The following TTC28 variants were observed in gnomAD, a reference collection of about 807,000 sequenced individuals.
TTC28 encodes tetratricopeptide repeat protein 28.
In TTC28, 61 loss-of-function variants were observed where a neutral mutation model predicts 198.0. The ratio of observed to expected loss-of-function variants is 0.31; its 90% CI spans 0.25 to 0.38. The LOEUF is 0.38. Among genes scored for constraint, TTC28 ranks in the 10% least tolerant of loss-of-function variants. The pLI is 1.00. For synonymous variants in TTC28, 1,171 were observed against 1,297.8 expected (o/e 0.90, Z 2.10); for missense variants, 2,678 against 3,164.0 (o/e 0.85, Z 3.69).
intron 1 of TTC28, among the ~76,000 whole-genome samples, chr22:28,672,751 T>C (rs1177921966): frequency 6.6e-6 from 1 of 152,214 alleles, no homozygotes; most frequent in East Asian, 1.9e-4. Flanking sequence ...GTAATAATAG[T>C]AACTGGAGAG....
intron 5 of TTC28, among the ~76,000 whole-genome samples, chr22:28,243,317 A>G (rs1332972804): frequency 6.6e-6 from 1 of 150,428 alleles, no homozygotes; most frequent in Non-Finnish European, 1.5e-5. Flanking sequence ...TGATCATGCC[A>G]CTGCACTCCA....
intron 1 of TTC28, among the ~76,000 whole-genome samples, chr22:28,671,363 C>T (rs2051879080): frequency 1.3e-5 from 2 of 151,982 alleles, no homozygotes; most frequent in South Asian, 2.1e-4. Flanking sequence ...TGGCCGGGCG[C>T]GGTGGCTCAC....
chr22:28,106,011 G>A (rs1053093860), intron 7 of TTC28, among the ~76,000 whole-genome samples: 4 of 152,160 alleles, frequency 2.6e-5, no homozygotes, highest in African/African-American at 9.7e-5. Flanking sequence ...ATCCCTTAGT[G>A]ACCTTCCCAA....
At chr22:28,449,429 T>C (rs1363614314) in intron 2 of TTC28, among the ~76,000 whole-genome samples, 1 of 152,266 alleles carries the variant, frequency 6.6e-6, no homozygotes, top group Non-Finnish European at 1.5e-5. Context: ...TACCAAGCAT[T>C]GAAATATTTT....
intron 2 of TTC28, among the ~76,000 whole-genome samples, chr22:28,395,679 G>A (rs1373148794): frequency 6.7e-6 from 1 of 149,742 alleles, no homozygotes; most frequent in African/African-American, 2.5e-5. Context: ...CATTGTTACT[G>A]TGTATTTATA....
intron 14 of TTC28, among the ~76,000 whole-genome samples, chr22:28,009,629 G>A (rs1444980117): frequency 6.6e-6 from 1 of 152,202 alleles, no homozygotes; most frequent in African/African-American, 2.4e-5. Context: ...AGATGACGGG[G>A]TCACTGAGGC....
At chr22:28,088,481 T>C (rs1385743380) in intron 12 of TTC28, among the ~76,000 whole-genome samples, 2 of 151,968 alleles carry the variant, frequency 1.3e-5, no homozygotes, top group African/African-American at 4.8e-5. Flanking sequence ...TGAAACTGGA[T>C]CCCTTCCTTA....
intron 2 of TTC28, among the ~76,000 whole-genome samples, chr22:28,316,808 C>G (rs1172956484): frequency 6.6e-6 from 1 of 152,118 alleles, no homozygotes; most frequent in Non-Finnish European, 1.5e-5. Flanking sequence ...ACTCTGTTAT[C>G]CAGGCTGGAA....
At chr22:28,228,144 G>A (rs1398440506) in intron 5 of TTC28, among the ~76,000 whole-genome samples, 4 of 151,938 alleles carry the variant, frequency 2.6e-5, no homozygotes, top group Non-Finnish European at 4.4e-5. Context: ...CCACTAATAC[G>A]AGATACCTAG....
At chr22:28,044,301 C>T (rs5752688) in intron 12 of TTC28, among the ~76,000 whole-genome samples, 1 of 152,068 alleles carries the variant, frequency 6.6e-6, no homozygotes, top group African/African-American at 2.4e-5. Context: ...TTCTGTTGGT[C>T]GGAAGGCAAA....
At chr22:28,278,924 G>C (rs1383339678) in intron 5 of TTC28, among the ~76,000 whole-genome samples, 1 of 152,192 alleles carries the variant, frequency 6.6e-6, no homozygotes, top group African/African-American at 2.4e-5. Context: ...GATGGGAATT[G>C]TGAAGTGGTT....
At chr22:28,281,948 T>A (rs2044590589) in intron 5 of TTC28, among the ~76,000 whole-genome samples, 1 of 152,214 alleles carries the variant, frequency 6.6e-6, no homozygotes, top group Non-Finnish European at 1.5e-5. Context: ...TCTCACTTTC[T>A]GGTTGTTTTT....
At chr22:28,081,554 G>A (rs1308875028) in intron 12 of TTC28, among the ~76,000 whole-genome samples, 4 of 147,808 alleles carry the variant, frequency 2.7e-5, no homozygotes, top group South Asian at 2.2e-4. Flanking sequence ...GTGCAGTGAC[G>A]CGATCTTGGC....
intron 2 of TTC28, among the ~76,000 whole-genome samples, chr22:28,326,176 A>G (rs1011531179): frequency 3.9e-5 from 6 of 152,184 alleles, no homozygotes; most frequent in Non-Finnish European, 8.8e-5. Flanking sequence ...CTATTGATGC[A>G]TGTAATATGG....
intron 2 of TTC28, among the ~76,000 whole-genome samples, chr22:28,316,925 C>T (rs747194075): frequency 5.3e-5 from 8 of 151,996 alleles, no homozygotes; most frequent in Non-Finnish European, 1.2e-4. Context: ...CACTACCATG[C>T]CTGGCTAACT....
At chr22:28,374,133 A>G (rs1000804237) in intron 2 of TTC28, among the ~76,000 whole-genome samples, 1 of 152,228 alleles carries the variant, frequency 6.6e-6, no homozygotes, top group Non-Finnish European at 1.5e-5. Context: ...AAAGCTTTAT[A>G]CTGAAAAGAA....
rs551743744 is a variant in TTC28 at position 28,296,331 on chromosome 22, G to A, written c.803-3C>T. 2 of 1,504,370 alleles carry A rather than the reference G, an allele frequency of 1.3e-6. No individual in the cohort carries two copies. The highest frequency in any genetic ancestry group is 1.8e-6 in the Non-Finnish European group (2 of 1,129,980). The allele number at this position is 1,504,370 out of a possible 1,614,324, so 93.2% of individuals were successfully genotyped here. A position where few individuals can be genotyped will look rare whatever the true frequency, so the allele number is the denominator to read the frequency against. ...TCGGCATTCTCCTGTCTGGTCACCT[G>A]GATTGAATTGAGAAAAAAAAAAAGA... On this transcript the variant is annotated splice_polypyrimidine_tract_variant and splice_region_variant and intron_variant, in intron 4 of 22. Transcript: ENST00000397906.
intron 2 of TTC28, among the ~76,000 whole-genome samples, chr22:28,453,691 G>T (rs989898011): frequency 5.3e-5 from 8 of 152,166 alleles, no homozygotes; most frequent in Non-Finnish European, 1.2e-4. Context: ...TCCAAATCTT[G>T]CCACTTTATC....
At chr22:28,343,763 A>C (rs2045867857) in intron 2 of TTC28, among the ~76,000 whole-genome samples, 1 of 152,176 alleles carries the variant, frequency 6.6e-6, no homozygotes, top group Non-Finnish European at 1.5e-5. Context: ...TGCCTACCAG[A>C]TACAGCTGCT....
Sources: gnomAD v4.1 joint callset for allele counts (sites outside exome capture counted in the v4.1 genomes callset) on GRCh38, gnomAD v4.1.1 for gene constraint, MANE v1.5 for transcripts, NCBI Gene and HGNC (gene_info 2026-07-23, HGNC 2026-07-21) for gene names.